DDI2: variants seen among roughly 807,000 people sequenced by gnomAD.
DDI2 encodes the protein DDI proteasomal shuttling factor 2.
In DDI2, 5 loss-of-function variants were observed where a neutral mutation model predicts 48.1. That is an observed-to-expected ratio of 0.10 (90% CI 0.05 to 0.22). The LOEUF is 0.22. Among genes scored for constraint, DDI2 ranks in the 10% least tolerant of loss-of-function variants. The pLI is 1.00. For synonymous variants in DDI2, 205 were observed against 183.6 expected (o/e 1.12, Z -0.94); for missense variants, 285 against 506.2 (o/e 0.56, Z 4.19).
chr1:15,660,774 T>A lies in DDI2; in HGVS notation c.*984T>A. ...GTAACCCTTCATCTGAAATTTTGAA[T>A]GATTCCATTTCCACTCAGGATTTAC... On this transcript the variant is annotated 3_prime_UTR_variant, in exon 10 of 10. Coordinates refer to ENST00000480945, the MANE Select transcript of DDI2 (RefSeq NM_032341.5). The A allele has an allele frequency of 6.2e-7, 1 of 1,613,924 alleles. No homozygotes were observed. Among genetic ancestry groups the A allele is most frequent in the Non-Finnish European group, 8.5e-7 (1 of 1,179,998 alleles).
In DDI2 at chr1:15,669,013, A is replaced by G. The variant is rs895189944; in HGVS notation, c.*9223A>G. On this transcript the variant is annotated 3_prime_UTR_variant, in exon 10 of 10. Coordinates refer to ENST00000480945, the MANE Select transcript of DDI2 (RefSeq NM_032341.5). ...GAAAAAGTGGTGTGTAAAACATTTG[A>G]TATTTAAGACAATAAAGTTTTTATC... The G allele has an allele frequency of 1.1e-4, 16 of 152,210 alleles. No homozygotes were observed. Among genetic ancestry groups the G allele is most frequent in the African/African-American group, 3.6e-4 (15 of 41,448 alleles). 9.4% of individuals were successfully genotyped at this position (152,210 alleles called of 1,614,324 possible).
intron 3 of DDI2, 78 bp from the exon 4 acceptor site, chr1:15,633,361 A>G: frequency 6.6e-7 from 1 of 1,523,720 alleles, no homozygotes; most frequent in Non-Finnish European, 8.9e-7. Context: ...TAGTTTGATA[A>G]ATTGTTTGGT....
chr1:15,626,553 C>T, intron 1 of DDI2, 116 bp from the exon 2 acceptor site: 1 of 1,431,364 alleles, frequency 7.0e-7, no homozygotes, highest in Non-Finnish European at 9.5e-7. Flanking sequence ...TGGTGGGAAT[C>T]CACTGGAGGG....
At chr1:15,621,551 A>AT (rs1446230556) in intron 1 of DDI2, among the ~76,000 whole-genome samples, 1 of 151,876 alleles carries the variant, frequency 6.6e-6, no homozygotes, top group Non-Finnish European at 1.5e-5. Flanking sequence ...CATATGACTA[A>AT]TTTTTTTGTT....
chr1:15,621,249 T>C lies in DDI2; in HGVS notation c.138+3441T>C, dbSNP rs1217331704. The stretch of plus-strand genomic sequence containing the variant: ...ATGTCTTCATATTTTTGAGACATGA[T>C]AATTTACCTCTGTAGGTGGCATATG... On this transcript the variant is annotated intron_variant, in intron 1 of 9. Coordinates refer to ENST00000480945, the MANE Select transcript of DDI2 (RefSeq NM_032341.5). Among the ~76,000 whole-genome samples, 3 of 152,166 alleles carry C rather than the reference T, an allele frequency of 2.0e-5. No homozygotes were observed. In the East Asian group the frequency reaches 5.8e-4, roughly 29 times the overall value.
chr1:15,644,578 GTT>G (rs1170290224), intron 6 of DDI2, among the ~76,000 whole-genome samples: 1 of 110,144 alleles, frequency 9.1e-6, no homozygotes, highest in Non-Finnish European at 1.8e-5. Context: ...TTTCTTTTCA[GTT>G]TTTTTTGTTT....
In DDI2 at chr1:15,629,364, G is replaced by A. The variant is rs893606853; in HGVS notation, c.269-961G>A. ...TAATCCCAGCACTTTGGGAGGCTGA[G>A]GTGGGTGGATCACCTGAGGTCAGGA... On this transcript the variant is annotated intron_variant, in intron 2 of 9. Coordinates refer to ENST00000480945, the MANE Select transcript of DDI2 (RefSeq NM_032341.5). 3.9e-5 allele frequency among the ~76,000 whole-genome samples: 6 copies of A among 152,242 alleles called. No homozygotes were observed. In the South Asian group the frequency reaches 1.2e-3, roughly 32 times the overall value.
chr1:15,637,626 C>G (rs1639949143), intron 4 of DDI2, among the ~76,000 whole-genome samples: 1 of 152,212 alleles, frequency 6.6e-6, no homozygotes, highest in Admixed American at 6.5e-5. Context: ...CCTTGGCCTC[C>G]CAAAGTGTTG....
chr1:15,652,361 A>G (rs2103478399), intron 8 of DDI2, among the ~76,000 whole-genome samples: 1 of 142,526 alleles, frequency 7.0e-6, no homozygotes, highest in African/African-American at 2.6e-5. Context: ...TCCAAACCCC[A>G]TCTCTTAATA....
chr1:15,640,508 G>C (rs1284700551), intron 5 of DDI2, among the ~76,000 whole-genome samples: 2 of 152,156 alleles, frequency 1.3e-5, no homozygotes, highest in Non-Finnish European at 2.9e-5. Context: ...CTCAACCACT[G>C]TGCAAAAATC....
In DDI2 at chr1:15,661,603, C is replaced by T. The variant is rs374978366; in HGVS notation, c.*1813C>T. On this transcript the variant is annotated 3_prime_UTR_variant, in exon 10 of 10. Coordinates refer to ENST00000480945, the MANE Select transcript of DDI2 (RefSeq NM_032341.5). ...GATTTTTCCTGCCACAGATATTGAC[C>T]GCATTCTCCGTGCTGGCTTTACTTT... The T allele has an allele frequency of 1.7e-5, 28 of 1,614,022 alleles. No homozygotes were observed. Among genetic ancestry groups the T allele is most frequent in the Admixed American group, 5.0e-5 (3 of 60,002 alleles).
intron 2 of DDI2, 151 bp from the exon 3 acceptor site, chr1:15,630,174 T>A: frequency 1.4e-6 from 1 of 736,932 alleles, no homozygotes; most frequent in East Asian, 2.5e-5. Flanking sequence ...AGTCTTTATA[T>A]TCAGAGTCAT....
chr1:15,624,023 C>G (rs1639713495), intron 1 of DDI2, among the ~76,000 whole-genome samples: 1 of 152,166 alleles, frequency 6.6e-6, no homozygotes, highest in Non-Finnish European at 1.5e-5. Flanking sequence ...CCACTGCACC[C>G]CAGCCTGGGC....
Position 15,662,626 on chromosome 1 carries a change from A to G in DDI2, c.*2836A>G, listed in dbSNP as rs1166260670. 1.3e-5 allele frequency: 2 copies of G among 152,232 alleles called. No homozygotes were observed. Among genetic ancestry groups the G allele is most frequent in the Non-Finnish European group, 2.9e-5 (2 of 68,042 alleles). The allele number at this position is 152,232 out of a possible 1,614,324, so 9.4% of individuals were successfully genotyped here. A position where few individuals can be genotyped will look rare whatever the true frequency, so the allele number is the denominator to read the frequency against. On this transcript the variant is annotated 3_prime_UTR_variant, in exon 10 of 10. Coordinates refer to ENST00000480945, the MANE Select transcript of DDI2 (RefSeq NM_032341.5). ...TCAACCCTTAATGACTAATGGTGGA[A>G]TTAAGTTCAGGAATGGATTCATTGC...
At chr1:15,641,256 G>C (rs1303641789) in intron 5 of DDI2, among the ~76,000 whole-genome samples, 1 of 152,062 alleles carries the variant, frequency 6.6e-6, no homozygotes, top group Non-Finnish European at 1.5e-5. Context: ...TAGACCATTT[G>C]AGGTCAGGAG....
chr1:15,658,300 C>T (rs752111642), intron 9 of DDI2, among the ~76,000 whole-genome samples: 7 of 151,958 alleles, frequency 4.6e-5, no homozygotes, highest in African/African-American at 7.2e-5. Flanking sequence ...CAGGCACCCA[C>T]CACCACGCCT....
In DDI2 at chr1:15,660,363, T is replaced by G. The variant is rs756192349; in HGVS notation, c.*573T>G. 1.2e-6 allele frequency: 2 copies of G among 1,614,030 alleles called. No individual in the cohort carries two copies. The highest frequency in any genetic ancestry group is 1.6e-4 in the Middle Eastern group (1 of 6,062). On this transcript the variant is annotated 3_prime_UTR_variant, in exon 10 of 10. Coordinates refer to ENST00000480945, the MANE Select transcript of DDI2 (RefSeq NM_032341.5). The stretch of plus-strand genomic sequence containing the variant: ...AGAACCTGAGTCAAGTGAGTGACCC[T>G]CAGCAGCACGAAGAACCAGGGAATG...
intron 6 of DDI2, among the ~76,000 whole-genome samples, chr1:15,644,101 C>A (rs1034186072): frequency 6.6e-6 from 1 of 152,096 alleles, no homozygotes; most frequent in African/African-American, 2.4e-5. Context: ...TGGTTTCTTG[C>A]GTAGTATTCA....
chr1:15,632,862 G>C (rs868079636), intron 3 of DDI2, among the ~76,000 whole-genome samples: 16 of 149,834 alleles, frequency 1.1e-4, no homozygotes, highest in African/African-American at 3.4e-4. Flanking sequence ...TGTTACCTCT[G>C]AGTAGAAACA....
Sources: allele counts gnomAD v4.1 joint callset (sites outside exome capture counted in the v4.1 genomes callset), GRCh38; gene constraint gnomAD v4.1.1; transcripts MANE v1.5; gene names NCBI Gene and HGNC (gene_info 2026-07-23, HGNC 2026-07-21).